Variants in ST6GAL1 observed in about 807,000 individuals in gnomAD.
ST6GAL1 encodes the protein beta-galactoside alpha-2,6-sialyltransferase 1.
In ST6GAL1, 20 loss-of-function variants were observed where a neutral mutation model predicts 38.0. That is an observed-to-expected ratio of 0.53 (90% confidence interval 0.37 to 0.77). The LOEUF is 0.77. ST6GAL1 is among the 30% of genes least tolerant of loss of function. ST6GAL1 has a pLI of 0.00. For missense variants in ST6GAL1, 432 were observed against 496.4 expected (o/e 0.87, Z 1.23); for synonymous variants, 196 against 188.2 (o/e 1.04, Z -0.34).
intron 2 of ST6GAL1, among the ~76,000 whole-genome samples, chr3:187,024,277 T>C (rs1717437310): frequency 6.6e-6 from 1 of 151,560 alleles, no homozygotes; most frequent in African/African-American, 2.4e-5. Flanking sequence ...GTATTTTTAG[T>C]AGAGACGGGG....
chr3:187,022,540 T>A (rs527544780), intron 2 of ST6GAL1, among the ~76,000 whole-genome samples: 1 of 152,150 alleles, frequency 6.6e-6, no homozygotes, highest in Non-Finnish European at 1.5e-5. Flanking sequence ...GCCTCATAGA[T>A]AGCAGCCCTC....
chr3:187,026,578 C>T (rs1717544341), intron 2 of ST6GAL1, among the ~76,000 whole-genome samples: 1 of 152,214 alleles, frequency 6.6e-6, no homozygotes, highest in African/African-American at 2.4e-5. Flanking sequence ...TTCACAGAAA[C>T]TGACTAATTG....
intron 2 of ST6GAL1, among the ~76,000 whole-genome samples, chr3:187,017,275 C>T (rs1029344057): frequency 5.3e-5 from 8 of 152,278 alleles, no homozygotes; most frequent in South Asian, 2.1e-4. Context: ...CCAAGGAAAC[C>T]CTCTGTGAAC....
At chr3:187,067,879 A>G (rs1301478300) in intron 5 of ST6GAL1, among the ~76,000 whole-genome samples, 1 of 152,126 alleles carries the variant, frequency 6.6e-6, no homozygotes, top group East Asian at 1.9e-4. Context: ...GATGGGTCTG[A>G]ATTTAATACC....
At chr3:187,064,173 T>G (rs904156497) in intron 5 of ST6GAL1, among the ~76,000 whole-genome samples, 7 of 152,180 alleles carry the variant, frequency 4.6e-5, no homozygotes, top group Non-Finnish European at 7.3e-5. Context: ...AGATGATGAC[T>G]CTCATACAGA....
rs530749753 is a variant in ST6GAL1, at chr3:187,007,197, C to T, written c.-182-31545C>T. Among the ~76,000 whole-genome samples the T allele has an allele frequency of 3.9e-5, 6 of 152,272 alleles. No individual in the cohort carries two copies. The East Asian group carries it at 1.2e-3, about 29-fold the overall frequency. On this transcript the variant is annotated intron_variant, in intron 2 of 7. Transcript: ENST00000169298. The stretch of plus-strand genomic sequence containing the variant: ...GAAAGCTAAGAGTCCGAGATAACTC[C>T]ATCTTTCTAACTAGAGGAAGCAGGG...
intron 3 of ST6GAL1, among the ~76,000 whole-genome samples, chr3:187,041,066 C>G (rs1277352162): frequency 6.6e-6 from 1 of 151,638 alleles, no homozygotes; most frequent in Non-Finnish European, 1.5e-5. Context: ...CCAGGCTGAG[C>G]TGCTGCTCTC....
intron 2 of ST6GAL1, among the ~76,000 whole-genome samples, chr3:187,002,818 C>G (rs1037691402): frequency 6.6e-6 from 1 of 152,286 alleles, no homozygotes; most frequent in East Asian, 1.9e-4. Context: ...CATTATAATT[C>G]TTTAAAAGCA....
rs1719587532 is a variant in ST6GAL1 at position 187,077,019 on chromosome 3, C to A, written c.*1216C>A. ...ATTTTTTGCTTTAAAAGCATCCTGA[C>A]CCCAATTTCTTTGAGCTCACGGGCC... is the stretch of plus-strand genomic sequence containing the variant. On this transcript the variant is annotated 3_prime_UTR_variant, in exon 8 of 8. Coordinates refer to ENST00000169298, the MANE Select transcript of ST6GAL1 (RefSeq NM_173216.2). 2.5e-6 allele frequency: 1 copy of A among 398,358 alleles called. No individual in the cohort carries two copies. The allele number at this position is 398,358 out of a possible 1,614,324, so 24.7% of individuals were successfully genotyped here.
intron 2 of ST6GAL1, among the ~76,000 whole-genome samples, chr3:186,970,313 C>T: frequency 6.6e-6 from 1 of 150,738 alleles, no homozygotes; most frequent in Non-Finnish European, 1.5e-5. Flanking sequence ...CTCCCAGGTT[C>T]AAGCAGTTCT....
At chr3:187,025,817 G>A (rs1055774446) in intron 2 of ST6GAL1, among the ~76,000 whole-genome samples, 1 of 152,088 alleles carries the variant, frequency 6.6e-6, no homozygotes, top group African/African-American at 2.4e-5. Flanking sequence ...ACCTCATGGT[G>A]GGGACACAAC....
intron 2 of ST6GAL1, among the ~76,000 whole-genome samples, chr3:186,966,186 C>T (rs1323257316): frequency 1.3e-5 from 2 of 152,186 alleles, no homozygotes; most frequent in Admixed American, 6.5e-5. Flanking sequence ...AGGTGTGAGC[C>T]ATCGTGCCCG....
At chr3:187,007,762 A>G (rs1716829619) in intron 2 of ST6GAL1, among the ~76,000 whole-genome samples, 1 of 152,250 alleles carries the variant, frequency 6.6e-6, no homozygotes, top group Non-Finnish European at 1.5e-5. Flanking sequence ...CAAATAAAGT[A>G]GGTATGACCA....
chr3:186,987,200 G>GAAAGA (rs1553821934), intron 2 of ST6GAL1, among the ~76,000 whole-genome samples: 2 of 138,658 alleles, frequency 1.4e-5, no homozygotes, highest in African/African-American at 5.4e-5. Flanking sequence ...GGGAGGGAGG[G>GAAAGA]AAGGAAAGAA....
At chr3:187,035,204 A>G (rs1717887002) in intron 2 of ST6GAL1, among the ~76,000 whole-genome samples, 1 of 152,208 alleles carries the variant, frequency 6.6e-6, no homozygotes, top group Non-Finnish European at 1.5e-5. Context: ...AAATAAGTGA[A>G]ATATCTCTCC....
At chr3:187,041,128 C>A (rs913517535) in intron 3 of ST6GAL1, among the ~76,000 whole-genome samples, 1 of 152,206 alleles carries the variant, frequency 6.6e-6, no homozygotes, top group African/African-American at 2.4e-5. Context: ...TAGTTCAAAT[C>A]CAATGAATAC....
rs572802393 is a variant in ST6GAL1, at chr3:187,042,610, T to C, written c.-50-44T>C. ...TCGCTCCGCCTCATGCCACATTGGG[T>C]TTTTCTTTACATCATTTGTTTTTCC... On this transcript the variant is annotated intron_variant, in intron 3 of 7. Transcript: ENST00000169298. The C allele has an allele frequency of 1.3e-3, 2,008 of 1,511,642 alleles. 6 individuals are homozygous for C. The highest frequency in any genetic ancestry group is 1.6e-3 in the Non-Finnish European group (1,866 of 1,131,950). The allele number at this position is 1,511,642 out of a possible 1,614,324, so 93.6% of individuals were successfully genotyped here.
intron 5 of ST6GAL1, among the ~76,000 whole-genome samples, chr3:187,067,326 A>T (rs1454506597): frequency 6.7e-6 from 1 of 148,220 alleles, no homozygotes; most frequent in Non-Finnish European, 1.5e-5. Flanking sequence ...ACCTCAAGTG[A>T]TCTGCCCACC....
At chr3:186,948,565 G>A in intron 1 of ST6GAL1, 1 of 92,574 alleles carries the variant, frequency 1.1e-5, no homozygotes, top group Non-Finnish European at 2.4e-5. Context: ...GTGTGTGTGT[G>A]TGTGTCTGTG....
Sources: gnomAD v4.1 joint callset for allele counts (sites outside exome capture counted in the v4.1 genomes callset) on GRCh38, gnomAD v4.1.1 for gene constraint, MANE v1.5 for transcripts, NCBI Gene and HGNC (gene_info 2026-07-23, HGNC 2026-07-21) for gene names.